PDXDC1: variants seen among roughly 807,000 people sequenced by gnomAD.
The protein encoded by PDXDC1 is pyridoxal dependent decarboxylase domain containing 1.
Under a neutral mutation model 100.1 loss-of-function variants are expected in PDXDC1, and 42 were observed. The observed-to-expected ratio is 0.42, with a 90% CI of 0.33 to 0.54. PDXDC1 has a LOEUF of 0.54. PDXDC1 is among the 20% of genes least tolerant of loss of function. PDXDC1 has a pLI of 0.10. For synonymous variants in PDXDC1, 260 were observed against 371.7 expected, an observed-to-expected ratio of 0.70 and a Z score of 3.46; for missense variants, 636 against 979.2, an observed-to-expected ratio of 0.65 and a Z score of 4.68.
At chr16:15,142,323 T>A (rs1464926907), downstream of PDXDC1, among the ~76,000 whole-genome samples, 5 of 152,026 alleles carry the variant, frequency 3.3e-5, no homozygotes, top group African/African-American at 9.7e-5. Flanking sequence ...GCCCCGCCTG[T>A]CACCGGTTCT....
intron 16 of PDXDC1, among the ~76,000 whole-genome samples, chr16:15,050,305 A>T (rs1488573189): frequency 6.6e-6 from 1 of 152,252 alleles, no homozygotes; most frequent in Non-Finnish European, 1.5e-5. Context: ...GGATGAACAA[A>T]ATCTTCCTCA....
In PDXDC1 at chr16:15,002,040, T is replaced by C. The variant is rs564179875; in HGVS notation, c.242+184T>C. Reference sequence around the variant, plus strand: ...ATATATTTTGTGAAATGAAGGCATTTATTGAAATTAGATCCCATAGTTTTT... The same window carrying C: ...ATATATTTTGTGAAATGAAGGCATTCATTGAAATTAGATCCCATAGTTTTT... On this transcript the variant is annotated intron_variant, in intron 4 of 22. Transcript: ENST00000396410. Among the ~76,000 whole-genome samples the C allele has an allele frequency of 3.5e-3, 533 of 152,306 alleles. 1 individual carries two copies. The highest frequency in any genetic ancestry group is 0.012 in the African/African-American group (508 of 41,510).
At chr16:15,141,542 CCTGGG>C (rs554047885), downstream of PDXDC1, among the ~76,000 whole-genome samples, 212 of 152,312 alleles carry the variant, frequency 1.4e-3, no homozygotes, top group African/African-American at 4.6e-3. Flanking sequence ...ATGCCTGTGC[CCTGGG>C]CTCCGGGAGG....
At chr16:14,976,178 A>G (rs547572661) in intron 1 of PDXDC1, among the ~76,000 whole-genome samples, 648 of 152,192 alleles carry the variant, frequency 4.3e-3, no homozygotes, top group Middle Eastern at 6.8e-3. Context: ...GCCCTCCCTC[A>G]AAGCCCTTCT....
At chr16:15,076,767 T>C (rs1335815454) in intron 16 of PDXDC1, 2 of 694,278 alleles carry the variant, frequency 2.9e-6, no homozygotes, top group African/African-American at 1.8e-5. Context: ...TAGTGCCTTA[T>C]ATCACACCCC....
At chr16:15,042,128 ATTTTC>A (rs1463334822), downstream of PDXDC1, among the ~76,000 whole-genome samples, 1 of 151,300 alleles carries the variant, frequency 6.6e-6, no homozygotes, top group Non-Finnish European at 1.5e-5. Context: ...TAATTAGTGT[ATTTTC>A]TTCCATATTT....
At chr16:15,147,855 A>C in the PDXDC1 span, among the ~76,000 whole-genome samples, 1 of 151,398 alleles carries the variant, frequency 6.6e-6, no homozygotes, top group East Asian at 1.9e-4. Flanking sequence ...CACCTCGCTA[A>C]TTTTTGTATT....
intron 14 of PDXDC1, 21 bp downstream of exon 14, chr16:15,026,727 G>A (rs1205247578): frequency 4.3e-6 from 7 of 1,609,540 alleles, no homozygotes; most frequent in Admixed American, 3.3e-5. Context: ...TTTAAAAGAG[G>A]GTTATTTTCA....
chr16:14,999,137 G>A (rs954616816), intron 3 of PDXDC1, among the ~76,000 whole-genome samples: 1 of 152,272 alleles, frequency 6.6e-6, no homozygotes, highest in African/African-American at 2.4e-5. Flanking sequence ...TGTGATCTCG[G>A]CTCACTGCAA....
At chr16:14,983,222 A>G (rs963404022) in intron 1 of PDXDC1, among the ~76,000 whole-genome samples, 9 of 152,300 alleles carry the variant, frequency 5.9e-5, no homozygotes, top group African/African-American at 2.2e-4. Flanking sequence ...GTTACAATTA[A>G]TATACTTTTA....
chr16:15,073,967 T>C (rs2045346306), intron 16 of PDXDC1, among the ~76,000 whole-genome samples: 1 of 152,188 alleles, frequency 6.6e-6, no homozygotes, highest in Non-Finnish European at 1.5e-5. Flanking sequence ...GGGCAGATTA[T>C]GAAACACTTG....
the PDXDC1 span, among the ~76,000 whole-genome samples, chr16:15,150,460 T>C: frequency 6.7e-6 from 1 of 149,380 alleles, no homozygotes; most frequent in South Asian, 2.1e-4. Context: ...AGGCCAAGAG[T>C]TCAAGACCAG....
rs542146485 is a variant in PDXDC1 at position 15,008,182 on chromosome 16, A to G, written c.580-597A>G. 9.3e-4 allele frequency among the ~76,000 whole-genome samples: 141 copies of G among 152,404 alleles called. 1 individual carries two copies. Among genetic ancestry groups the G allele is most frequent in the East Asian group, 1.3e-3 (7 of 5,192 alleles). ...CTCTGAATGCTACCAAGTCTTAGTCATACAGAACAATATGCTGCAACTGTT... is the reference window on the plus strand; with the variant it reads ...CTCTGAATGCTACCAAGTCTTAGTCGTACAGAACAATATGCTGCAACTGTT... On this transcript the variant is annotated intron_variant, in intron 6 of 22. Coordinates refer to ENST00000396410, the MANE Select transcript of PDXDC1 (RefSeq NM_015027.4).
intron 16 of PDXDC1, chr16:15,127,140 A>T: frequency 2.7e-6 from 1 of 370,896 alleles, no homozygotes; most frequent in Non-Finnish European, 5.3e-6. Flanking sequence ...CTTGCTATAG[A>T]CGTACTGAGA....
intron 1 of PDXDC1, among the ~76,000 whole-genome samples, chr16:14,991,501 A>G (rs573021566): frequency 6.7e-6 from 1 of 150,356 alleles, no homozygotes; most frequent in Admixed American, 6.6e-5. Flanking sequence ...GGGTTTTGTC[A>G]TATTGCCTAA....
intron 16 of PDXDC1, chr16:15,086,284 G>C (rs756047041): frequency 2.5e-6 from 4 of 1,570,230 alleles, no homozygotes; most frequent in Admixed American, 1.8e-5. Flanking sequence ...AAAGATAAAA[G>C]CAGCATGTTA....
At chr16:15,151,930 CAAAAAAAAAA>C in the PDXDC1 span, among the ~76,000 whole-genome samples, 17 of 43,350 alleles carry the variant, frequency 3.9e-4, no homozygotes, top group Non-Finnish European at 7.2e-4. Context: ...AACTCTGTCT[CAAAAAAAAAA>C]AAAAAAAAAA....
chr16:15,051,893 A>G (rs2044307383), intron 16 of PDXDC1, among the ~76,000 whole-genome samples: 2 of 152,104 alleles, frequency 1.3e-5, no homozygotes, highest in South Asian at 4.1e-4. Flanking sequence ...TAAGTAGTAA[A>G]AAGAGTTTAG....
At chr16:15,130,150 C>T in intron 16 of PDXDC1, 1 of 1,393,164 alleles carries the variant, frequency 7.2e-7, no homozygotes, top group Non-Finnish European at 9.9e-7. Context: ...GCCGAGCCCA[C>T]CCAGGCCCTC....
Sources: allele counts gnomAD v4.1 joint callset (sites outside exome capture counted in the v4.1 genomes callset), GRCh38; gene constraint gnomAD v4.1.1; transcripts MANE v1.5; gene names NCBI Gene and HGNC (gene_info 2026-07-23, HGNC 2026-07-21).